CCDC60: variants seen among roughly 807,000 people sequenced by gnomAD.
CCDC60 encodes the protein coiled-coil domain-containing protein 60.
A neutral mutation model predicts 63.5 loss-of-function variants in CCDC60; 54 were observed. The observed-to-expected ratio is 0.85, with a 90% confidence interval of 0.68 to 1.07. The LOEUF is 1.07. Ranked by LOEUF, CCDC60 falls within the 50% of genes least tolerant of loss-of-function variation. CCDC60 has a pLI of 0.00. For missense variants in CCDC60, 651 were observed against 684.3 expected (o/e 0.95, Z 0.54); for synonymous variants, 206 against 238.8 (o/e 0.86, Z 1.27).
At chr12:119,476,050 A>G (rs56328286) in intron 3 of CCDC60, among the ~76,000 whole-genome samples, 2,584 of 152,286 alleles carry the variant, frequency 0.017, 88 homozygotes, top group African/African-American at 0.059. Context: ...GATCTTGTGC[A>G]TCATAAAAGC....
intron 1 of CCDC60, among the ~76,000 whole-genome samples, chr12:119,392,640 A>G (rs1157303980): frequency 6.6e-6 from 1 of 152,222 alleles, no homozygotes; most frequent in Non-Finnish European, 1.5e-5. Flanking sequence ...GCCTAGCACA[A>G]AGTGGTGCTC....
At chr12:119,537,314 T>A (rs989521733) in intron 13 of CCDC60, among the ~76,000 whole-genome samples, 3 of 152,258 alleles carry the variant, frequency 2.0e-5, no homozygotes, top group Admixed American at 1.3e-4. Flanking sequence ...ATTCGTCTAA[T>A]CTTTTTTCAA....
chr12:119,357,031 T>C (rs1955725466), intron 1 of CCDC60, among the ~76,000 whole-genome samples: 1 of 152,366 alleles, frequency 6.6e-6, no homozygotes, highest in South Asian at 2.1e-4. Flanking sequence ...CCAGTGCTGT[T>C]GTTTCAACCT....
At chr12:119,412,704 G>A (rs1156361087) in intron 1 of CCDC60, among the ~76,000 whole-genome samples, 2 of 152,118 alleles carry the variant, frequency 1.3e-5, no homozygotes, top group Non-Finnish European at 2.9e-5. Context: ...AGATAATCAT[G>A]CTATCAACTT....
chr12:119,446,179 T>TACATAGGA, intron 2 of CCDC60, among the ~76,000 whole-genome samples: 1 of 152,176 alleles, frequency 6.6e-6, no homozygotes, highest in Middle Eastern at 3.2e-3. Context: ...AAAAAAAGCT[T>TACATAGGA]ACATAGGAGT....
At chr12:119,424,857 T>A (rs1348637315) in intron 1 of CCDC60, among the ~76,000 whole-genome samples, 1 of 152,200 alleles carries the variant, frequency 6.6e-6, no homozygotes, top group Non-Finnish European at 1.5e-5. Context: ...ATTGAAATGC[T>A]GACATAGTTG....
At chr12:119,400,251 G>C (rs576473106) in intron 1 of CCDC60, among the ~76,000 whole-genome samples, 5 of 152,058 alleles carry the variant, frequency 3.3e-5, no homozygotes, top group Non-Finnish European at 7.4e-5. Flanking sequence ...GGGTTTCACC[G>C]TATTAGCCAG....
At chr12:119,374,320 G>C (rs1478673139) in intron 1 of CCDC60, among the ~76,000 whole-genome samples, 1 of 152,156 alleles carries the variant, frequency 6.6e-6, no homozygotes, top group East Asian at 1.9e-4. Flanking sequence ...CAGCCATGAA[G>C]AAATTACCTA....
intron 1 of CCDC60, among the ~76,000 whole-genome samples, chr12:119,421,523 AT>A (rs1956813182): frequency 6.6e-6 from 1 of 152,156 alleles, no homozygotes; most frequent in African/African-American, 2.4e-5. Context: ...TTAAGCCTCT[AT>A]TTGCTGTCCT....
intron 11 of CCDC60, among the ~76,000 whole-genome samples, chr12:119,524,702 G>GTTTTTTTTTTTTTTTTTT (rs1952632184): frequency 8.2e-6 from 1 of 121,460 alleles, no homozygotes; most frequent in African/African-American, 3.4e-5. Flanking sequence ...GGAAACAGCA[G>GTTTTTTTTTTTTTTTTTT]TTTCTTTTCT....
intron 1 of CCDC60, among the ~76,000 whole-genome samples, chr12:119,408,202 A>T (rs1032893931): frequency 7.9e-5 from 12 of 151,880 alleles, no homozygotes; most frequent in African/African-American, 2.9e-4. Context: ...TGGAGAGTTT[A>T]TTCCTGTATA....
intron 7 of CCDC60, among the ~76,000 whole-genome samples, chr12:119,510,955 C>T (rs892072048): frequency 2.6e-5 from 4 of 152,144 alleles, no homozygotes; most frequent in Admixed American, 6.5e-5. Context: ...CAAATGCTTC[C>T]CCTTGTATGC....
chr12:119,519,401 A>ATGTGTGTGTGTG (rs141127258), intron 8 of CCDC60, among the ~76,000 whole-genome samples: 18 of 136,412 alleles, frequency 1.3e-4, no homozygotes, highest in South Asian at 2.4e-4. Context: ...AGTGATATAT[A>ATGTGTGTGTGTG]TGTGTGTGTG....
intron 2 of CCDC60, among the ~76,000 whole-genome samples, chr12:119,457,723 G>GGA (rs1555245691): frequency 1.3e-5 from 2 of 151,944 alleles, no homozygotes; most frequent in African/African-American, 4.8e-5. Context: ...TGGCGGGGGG[G>GGA]AGAATAATAC....
chr12:119,528,687 A>G lies in CCDC60; in HGVS notation c.1302A>G (p.Ala434=), dbSNP rs963223827. ...TCTCAAATTTTCAAAAGGACATAGCAAAAATGAGACATCACATATCTGTAG... is the reference window on the plus strand; with the variant it reads ...TCTCAAATTTTCAAAAGGACATAGCGAAAATGAGACATCACATATCTGTAG... ...VLVSNFQKDI[A]KMRHHISVVK... Residue 434 remains alanine (A), a synonymous_variant, in exon 12 of 14, where the codon GCA becomes GCG. Transcript: ENST00000327554. 32 of 1,614,004 alleles carry G rather than the reference A, an allele frequency of 2.0e-5. No individual in the cohort carries two copies. The highest frequency in any genetic ancestry group is 2.7e-5 in the Non-Finnish European group (32 of 1,179,992).
At chr12:119,402,689 A>G (rs1257538876) in intron 1 of CCDC60, among the ~76,000 whole-genome samples, 1 of 152,166 alleles carries the variant, frequency 6.6e-6, no homozygotes, top group Non-Finnish European at 1.5e-5. Flanking sequence ...AGCTGTTTTT[A>G]GTGTGTCTGT....
At chr12:119,446,850 A>G (rs1309546639) in intron 2 of CCDC60, among the ~76,000 whole-genome samples, 2 of 152,148 alleles carry the variant, frequency 1.3e-5, no homozygotes, top group Non-Finnish European at 2.9e-5. Context: ...AGATTTTTAA[A>G]AAGTCACAGG....
At chr12:119,358,743 A>T (rs1236855606) in intron 1 of CCDC60, among the ~76,000 whole-genome samples, 3 of 152,112 alleles carry the variant, frequency 2.0e-5, no homozygotes, top group African/African-American at 7.2e-5. Context: ...TGTTTATGGG[A>T]TTCACTTATA....
intron 1 of CCDC60, among the ~76,000 whole-genome samples, chr12:119,343,523 T>A (rs1565963108): frequency 6.6e-6 from 1 of 152,036 alleles, no homozygotes; most frequent in Non-Finnish European, 1.5e-5. Flanking sequence ...ACCTACCATG[T>A]GACAGATGTT....
Sources: allele counts gnomAD v4.1 joint callset (sites outside exome capture counted in the v4.1 genomes callset), GRCh38; gene constraint gnomAD v4.1.1; transcripts MANE v1.5; gene names NCBI Gene and HGNC (gene_info 2026-07-23, HGNC 2026-07-21).